Variants in DNAJC25 observed in about 807,000 individuals in gnomAD.
The protein encoded by DNAJC25 is dnaJ homolog subfamily C member 25.
A neutral mutation model predicts 42.1 loss-of-function variants in DNAJC25; 26 were observed. The observed-to-expected ratio is 0.62, with a 90% CI of 0.45 to 0.86. The LOEUF is 0.86. DNAJC25 is among the 40% of genes least tolerant of loss of function. The probability of loss-of-function intolerance (pLI) is 0.00; values close to 1 mark genes in which losing one functional copy is unlikely to be tolerated. For synonymous variants in DNAJC25, 189 were observed against 179.9 expected (o/e 1.05, Z -0.40); for missense variants, 404 against 459.4 (o/e 0.88, Z 1.10).
At chr9:111,638,472 G>C (rs1436018229) in intron 1 of DNAJC25, among the ~76,000 whole-genome samples, 2 of 152,318 alleles carry the variant, frequency 1.3e-5, no homozygotes, top group East Asian at 3.9e-4. Flanking sequence ...TGCAGGAATA[G>C]ATAATCCTTG....
At chr9:111,641,431 G>A (rs1295598941) in intron 1 of DNAJC25, among the ~76,000 whole-genome samples, 72 of 111,464 alleles carry the variant, frequency 6.5e-4, no homozygotes, top group East Asian at 1.8e-3. Context: ...CCGGCCAGCC[G>A]CCCCGTCTGG....
intron 1 of DNAJC25, among the ~76,000 whole-genome samples, chr9:111,640,616 A>C (rs1422799127): frequency 6.3e-4 from 26 of 41,222 alleles, no homozygotes; most frequent in African/African-American, 1.3e-3. Context: ...TGCCCGGCCG[A>C]GACCCCGTCT....
chr9:111,644,623 A>G (rs576990043), intron 1 of DNAJC25, among the ~76,000 whole-genome samples: 4 of 152,192 alleles, frequency 2.6e-5, no homozygotes, highest in Non-Finnish European at 5.9e-5. Flanking sequence ...CACAGAGACA[A>G]TGAGGCTCAT....
In DNAJC25 at chr9:111,642,614, T is replaced by A. The variant is rs202232610; in HGVS notation, c.337-4493T>A. On this transcript the variant is annotated intron_variant, in intron 1 of 3. Transcript: ENST00000313525. ...CACCCAAGAATTATCAATAAATAAA[T>A]AAATAAATAAATAAATAAATAAATA... Among the ~76,000 whole-genome samples, 312 of 84,390 alleles carry A rather than the reference T, an allele frequency of 3.7e-3. 3 individuals are homozygous for A. The African/African-American group carries it at 0.046, about 12-fold the overall frequency. The allele number at this position is 84,390 out of a possible 152,430, so 55.4% of individuals were successfully genotyped here.
chr9:111,646,560 C>G lies in DNAJC25; in HGVS notation c.337-547C>G, dbSNP rs140217128. On this transcript the variant is annotated intron_variant, in intron 1 of 3. Transcript: ENST00000313525. The stretch of plus-strand genomic sequence containing the variant: ...TTTGTGAATGAAGAAGGAGGAGGCT[C>G]AGAGAGGCTAAATATTTTATCTAAG... Among the ~76,000 whole-genome samples the G allele has an allele frequency of 5.2e-3, 787 of 152,260 alleles. 13 individuals carry two copies. Among genetic ancestry groups the G allele is most frequent in the Admixed American group, 0.034 (525 of 15,290 alleles).
intron 1 of DNAJC25, among the ~76,000 whole-genome samples, chr9:111,639,625 G>A (rs1830413547): frequency 6.7e-6 from 1 of 149,798 alleles, no homozygotes; most frequent in East Asian, 1.9e-4. Context: ...GGATATAATG[G>A]CCTGGAAAAA....
chr9:111,647,355 T>TA (rs1830582601), intron 2 of DNAJC25, 96 bp downstream of exon 2: 1 of 1,448,700 alleles, frequency 6.9e-7, no homozygotes, highest in South Asian at 1.5e-5. Flanking sequence ...TATCTTCTTG[T>TA]AAAATTTTAC....
Position 111,640,980 on chromosome 9 carries a change from G to A in DNAJC25, c.337-6127G>A, listed in dbSNP as rs1309509079. On this transcript the variant is annotated intron_variant, in intron 1 of 3. Transcript: ENST00000313525. The stretch of plus-strand genomic sequence containing the variant: ...GGGTCAGCCCCCCGCCTGGCCAGCC[G>A]TGCCGTCCGGGAGGGAGGTGGGGGG... Among the ~76,000 whole-genome samples, 5 of 100,986 alleles carry A rather than the reference G, an allele frequency of 5.0e-5. 1 individual carries two copies. Among genetic ancestry groups the A allele is most frequent in the Admixed American group, 3.8e-4 (4 of 10,500 alleles). 66.3% of individuals were successfully genotyped at this position (100,986 alleles called of 152,430 possible).
chr9:111,643,449 C>T (rs758514810), intron 1 of DNAJC25, among the ~76,000 whole-genome samples: 7 of 152,114 alleles, frequency 4.6e-5, no homozygotes, highest in African/African-American at 7.2e-5. Flanking sequence ...GTAATAAGAA[C>T]GATCCAACTG....
At position 111,653,219 on chromosome 9, in the gene DNAJC25, C is replaced by A; in HGVS notation, c.1080C>A (p.Asp360Glu). The change falls in exon 4 of 4, where the codon GAC (aspartate) becomes GAA (glutamate). Residue 360 changes from aspartate to glutamate, a missense_variant. By Grantham distance (45) the Asp-to-Glu change is conservative. Coordinates refer to ENST00000313525, the MANE Select transcript of DNAJC25 (RefSeq NM_001015882.3). ...EGPGRLTFVD[D>E] The stretch of plus-strand genomic sequence containing the variant: ...CTGGGCGGTTAACATTTGTGGATGA[C>A]TGAAGATTGATGGAATGCTACTATG... The A allele has an allele frequency of 6.4e-7, 1 of 1,568,304 alleles. No individual in the cohort carries two copies. The highest frequency in any genetic ancestry group is 8.6e-7 in the Non-Finnish European group (1 of 1,156,294).
At chr9:111,633,482 G>C (rs895710205) in intron 1 of DNAJC25, among the ~76,000 whole-genome samples, 12 of 152,126 alleles carry the variant, frequency 7.9e-5, no homozygotes, top group Non-Finnish European at 1.5e-4. Flanking sequence ...TTTGACTTTT[G>C]GGGATTTAGG....
At chr9:111,631,896 G>A (rs1830288010) in intron 1 of DNAJC25, among the ~76,000 whole-genome samples, 153 bp downstream of exon 1, 1 of 152,244 alleles carries the variant, frequency 6.6e-6, no homozygotes, top group African/African-American at 2.4e-5. Flanking sequence ...TTCCCACGTG[G>A]CCCTGTGAAA....
chr9:111,631,846 C>CT, intron 1 of DNAJC25, 103 bp downstream of exon 1: 1 of 1,403,782 alleles, frequency 7.1e-7, no homozygotes, highest in Non-Finnish European at 9.2e-7. Context: ...GACCCCGAAA[C>CT]TGAGCACAGC....
chr9:111,648,650 T>C (rs1353148528), intron 2 of DNAJC25, among the ~76,000 whole-genome samples: 9 of 152,222 alleles, frequency 5.9e-5, no homozygotes, highest in Admixed American at 2.0e-4. Flanking sequence ...GTAGAACGAT[T>C]TACCCTTTCA....
chr9:111,641,383 C>T (rs1830460913), intron 1 of DNAJC25, among the ~76,000 whole-genome samples: 4 of 143,938 alleles, frequency 2.8e-5, no homozygotes, highest in African/African-American at 7.7e-5. Context: ...CGGCCAGCCG[C>T]CCTGTCTGGG....
In DNAJC25 at chr9:111,639,470, A is replaced by G. The variant is rs540277813; in HGVS notation, c.337-7637A>G. The stretch of plus-strand genomic sequence containing the variant: ...TTACAAGCATTACTAGTATGTAGGT[A>G]ATATTCCAAATCATGGAAGTTTTTG... On this transcript the variant is annotated intron_variant, in intron 1 of 3. Coordinates refer to ENST00000313525, the MANE Select transcript of DNAJC25 (RefSeq NM_001015882.3). Among the ~76,000 whole-genome samples the G allele has an allele frequency of 2.6e-5, 4 of 152,294 alleles. No homozygotes were observed. The East Asian group carries it at 7.7e-4, about 29-fold the overall frequency.
intron 3 of DNAJC25, among the ~76,000 whole-genome samples, 180 bp from the exon 4 acceptor site, chr9:111,652,920 A>C (rs577285198): frequency 0.011 from 1,282 of 115,480 alleles, 13 homozygotes; most frequent in African/African-American, 0.06. Context: ...AATTGCAAAT[A>C]AATAAATAAA....
In DNAJC25 at chr9:111,653,300, A is replaced by G. The variant is rs1231958064; in HGVS notation, c.*78A>G. On this transcript the variant is annotated 3_prime_UTR_variant, in exon 4 of 4. Coordinates refer to ENST00000313525, the MANE Select transcript of DNAJC25 (RefSeq NM_001015882.3). Reference sequence around the variant, plus strand: ...ACTGAATTATTTTAGAAATGTATCAATTGACTGCTGCTCAGCAGTAACTAA... The same window carrying G: ...ACTGAATTATTTTAGAAATGTATCAGTTGACTGCTGCTCAGCAGTAACTAA... The G allele has an allele frequency of 7.2e-6, 10 of 1,380,366 alleles. No homozygotes were observed. Among genetic ancestry groups the G allele is most frequent in the South Asian group, 4.2e-5 (2 of 47,912 alleles). The allele number at this position is 1,380,366 out of a possible 1,614,324, so 85.5% of individuals were successfully genotyped here.
At chr9:111,648,668 G>T (rs1260991426) in intron 2 of DNAJC25, among the ~76,000 whole-genome samples, 4 of 152,180 alleles carry the variant, frequency 2.6e-5, no homozygotes. Flanking sequence ...TCAAAGGGGA[G>T]AGCAGGGATA....
Sources: gnomAD v4.1 joint callset for allele counts (sites outside exome capture counted in the v4.1 genomes callset) on GRCh38, gnomAD v4.1.1 for gene constraint, MANE v1.5 for transcripts, NCBI Gene and HGNC (gene_info 2026-07-23, HGNC 2026-07-21) for gene names.